The following PDSS2 variants were observed in gnomAD, a reference collection of about 807,000 sequenced individuals.
PDSS2 encodes all trans-polyprenyl-diphosphate synthase PDSS2.
Under a neutral mutation model 44.5 loss-of-function variants are expected in PDSS2, and 31 were observed. The ratio of observed to expected loss-of-function variants is 0.70; its 90% CI spans 0.52 to 0.94. The LOEUF is 0.94. PDSS2 is among the 40% of genes least tolerant of loss of function. PDSS2 has a pLI of 0.00. For missense variants in PDSS2, 452 were observed against 482.2 expected, an observed-to-expected ratio of 0.94 and a Z score of 0.59; for synonymous variants, 157 against 180.3, an observed-to-expected ratio of 0.87 and a Z score of 1.03.
intron 4 of PDSS2, among the ~76,000 whole-genome samples, chr6:107,226,640 T>C (rs1432176698): frequency 1.3e-5 from 2 of 151,466 alleles, no homozygotes; most frequent in African/African-American, 4.8e-5. Context: ...TATGTAAGCA[T>C]CTTTTGGGTC....
At chr6:107,403,550 A>T (rs1163163182) in intron 1 of PDSS2, among the ~76,000 whole-genome samples, 1 of 152,010 alleles carries the variant, frequency 6.6e-6, no homozygotes, top group Admixed American at 6.5e-5. Context: ...TTCTGCAGCA[A>T]ATTTCTTCCT....
chr6:107,392,714 C>A (rs1779821464), intron 1 of PDSS2, among the ~76,000 whole-genome samples: 1 of 152,160 alleles, frequency 6.6e-6, no homozygotes, highest in South Asian at 2.1e-4. Flanking sequence ...AGTATTGATA[C>A]AGGTGACTTG....
intron 1 of PDSS2, among the ~76,000 whole-genome samples, chr6:107,353,687 T>C (rs1778502040): frequency 6.6e-6 from 1 of 152,128 alleles, no homozygotes; most frequent in Non-Finnish European, 1.5e-5. Flanking sequence ...ATTAACACTT[T>C]CTTCCCAGTT....
chr6:107,337,131 C>G (rs1486858369), intron 1 of PDSS2, among the ~76,000 whole-genome samples: 1 of 151,642 alleles, frequency 6.6e-6, no homozygotes, highest in Non-Finnish European at 1.5e-5. Context: ...ACATTGCTTT[C>G]TATATGTCAG....
chr6:107,192,257 TATC>T, intron 7 of PDSS2: 1 of 396,724 alleles, frequency 2.5e-6, no homozygotes, highest in South Asian at 2.1e-5. Flanking sequence ...GTGCTCCTAT[TATC>T]TAGTTTTTCT....
chr6:107,415,764 A>G (rs894339939), intron 1 of PDSS2, among the ~76,000 whole-genome samples: 6 of 152,216 alleles, frequency 3.9e-5, no homozygotes, highest in African/African-American at 1.4e-4. Context: ...CCGACTTCCA[A>G]ATTACTCTGT....
chr6:107,162,766 G>A lies in PDSS2; in HGVS notation c.1042-7989C>T, dbSNP rs1055640131. Among the ~76,000 whole-genome samples the A allele has an allele frequency of 5.3e-5, 8 of 151,654 alleles. No individual in the cohort carries two copies. In the East Asian group the frequency reaches 1.2e-3, roughly 23 times the overall value. On this transcript the variant is annotated intron_variant, in intron 7 of 7. Transcript: ENST00000369037. Reference sequence around the variant, plus strand: ...ATTACAGGCATGTGCCACCACACCCGACTAATTTATGTATTTTTAGTAGAG... The same window carrying A: ...ATTACAGGCATGTGCCACCACACCCAACTAATTTATGTATTTTTAGTAGAG...
intron 1 of PDSS2, among the ~76,000 whole-genome samples, chr6:107,379,074 A>AT (rs1271715974): frequency 2.6e-5 from 4 of 152,204 alleles, no homozygotes; most frequent in Non-Finnish European, 5.9e-5. Context: ...CGGGGAAGTT[A>AT]TGCTTCCTGT....
intron 7 of PDSS2, among the ~76,000 whole-genome samples, chr6:107,175,204 T>C (rs1274355169): frequency 2.5e-5 from 3 of 120,236 alleles, no homozygotes; most frequent in Admixed American, 9.3e-5. Flanking sequence ...AGAGTGAGAC[T>C]CCATCTCAGG....
chr6:107,425,366 C>T (rs1780963826), intron 1 of PDSS2, among the ~76,000 whole-genome samples: 2 of 152,148 alleles, frequency 1.3e-5, no homozygotes, highest in Non-Finnish European at 2.9e-5. Context: ...TTCCTAGAGA[C>T]TTGTTGAATG....
chr6:107,225,697 T>C (rs1167932988), intron 4 of PDSS2, among the ~76,000 whole-genome samples: 1 of 152,192 alleles, frequency 6.6e-6, no homozygotes, highest in East Asian at 1.9e-4. Context: ...CAAATTGTTT[T>C]CTAGAAAAAT....
At chr6:107,352,286 T>G (rs1274704440) in intron 1 of PDSS2, among the ~76,000 whole-genome samples, 1 of 152,190 alleles carries the variant, frequency 6.6e-6, no homozygotes, top group Non-Finnish European at 1.5e-5. Context: ...TGCTAAATAT[T>G]CCTACACAAG....
intron 2 of PDSS2, among the ~76,000 whole-genome samples, chr6:107,318,505 T>C (rs1053269514): frequency 2.7e-5 from 4 of 147,864 alleles, no homozygotes; most frequent in Non-Finnish European, 6.0e-5. Flanking sequence ...ATGGTTAGCT[T>C]AAAAAAAAAA....
chr6:107,256,750 C>T (rs368270215), intron 3 of PDSS2, among the ~76,000 whole-genome samples: 4 of 152,102 alleles, frequency 2.6e-5, no homozygotes, highest in East Asian at 1.9e-4. Context: ...ATTTGGGGGC[C>T]GGGCACAGTG....
intron 7 of PDSS2, among the ~76,000 whole-genome samples, chr6:107,190,364 G>A (rs1403735418): frequency 2.6e-5 from 4 of 152,192 alleles, no homozygotes; most frequent in East Asian, 3.9e-4. Context: ...AACTTACTGC[G>A]TGTGTTTTCT....
chr6:107,288,003 CA>C (rs1403645341), intron 2 of PDSS2, among the ~76,000 whole-genome samples: 1 of 151,686 alleles, frequency 6.6e-6, no homozygotes, highest in Non-Finnish European at 1.5e-5. Context: ...CTCTAAAGAA[CA>C]AAAAAACAGT....
chr6:107,267,868 T>C (rs1775462742), intron 3 of PDSS2, among the ~76,000 whole-genome samples: 1 of 152,012 alleles, frequency 6.6e-6, no homozygotes, highest in African/African-American at 2.4e-5. Flanking sequence ...ACTGGGATGA[T>C]AGGCATGAGC....
At chr6:107,407,211 T>C (rs1468044648) in intron 1 of PDSS2, among the ~76,000 whole-genome samples, 1 of 152,190 alleles carries the variant, frequency 6.6e-6, no homozygotes, top group African/African-American at 2.4e-5. Context: ...GAACAAACAT[T>C]GTATGATTCT....
intron 7 of PDSS2, among the ~76,000 whole-genome samples, chr6:107,174,198 A>G (rs1582737246): frequency 6.6e-6 from 1 of 152,318 alleles, no homozygotes; most frequent in Middle Eastern, 3.4e-3. Flanking sequence ...TTTAACCTGG[A>G]GGAAGGGAGG....
Sources: gnomAD v4.1 joint callset for allele counts (sites outside exome capture counted in the v4.1 genomes callset) on GRCh38, gnomAD v4.1.1 for gene constraint, MANE v1.5 for transcripts, NCBI Gene and HGNC (gene_info 2026-07-23, HGNC 2026-07-21) for gene names.